KIF21B: variants seen among roughly 807,000 people sequenced by gnomAD.
KIF21B encodes the protein kinesin family member 21B, also known as kinesin-like protein KIF21B.
Under a neutral mutation model 192.9 loss-of-function variants are expected in KIF21B, and 85 were observed. The observed-to-expected ratio is 0.44, with a 90% CI of 0.37 to 0.53. The LOEUF (loss-of-function observed/expected upper bound fraction) is 0.53, where lower values mean the gene tolerates loss of function less well. Among genes scored for constraint, KIF21B ranks in the 20% least tolerant of loss-of-function variants. The pLI is 0.00. For synonymous variants in KIF21B, 832 were observed against 884.6 expected (o/e 0.94, Z 1.05); for missense variants, 1,716 against 2,194.8 (o/e 0.78, Z 4.36).
At chr1:201,016,278 G>T (rs1658497811) in intron 1 of KIF21B, among the ~76,000 whole-genome samples, 1 of 152,206 alleles carries the variant, frequency 6.6e-6, no homozygotes, top group Non-Finnish European at 1.5e-5. Context: ...CTGATCCTAC[G>T]GACAGCTGCC....
chr1:201,010,010 G>C (rs1658139758), intron 1 of KIF21B, among the ~76,000 whole-genome samples: 1 of 152,200 alleles, frequency 6.6e-6, no homozygotes, highest in African/African-American at 2.4e-5. Context: ...GCCAGGGCGG[G>C]GAAGAGAAGG....
At chr1:201,006,891 GAC>G (rs752184962) in intron 3 of KIF21B, among the ~76,000 whole-genome samples, 60 of 136,780 alleles carry the variant, frequency 4.4e-4, no homozygotes, top group Middle Eastern at 4.2e-3. Context: ...GAGACACATA[GAC>G]ACACACACAC....
chr1:201,005,070 T>C, intron 5 of KIF21B, 137 bp from the exon 6 acceptor site: 1 of 1,074,652 alleles, frequency 9.3e-7, no homozygotes, highest in Non-Finnish European at 1.3e-6. Flanking sequence ...CATCTGACAA[T>C]GTGCACAGTA....
chr1:200,986,797 A>T, intron 26 of KIF21B, 47 bp downstream of exon 26: 1 of 1,502,672 alleles, frequency 6.7e-7, no homozygotes. Flanking sequence ...GTAACCAAGA[A>T]CTAGACTGGT....
At chr1:201,005,515 A>C in intron 4 of KIF21B, 30 bp downstream of exon 4, 2 of 1,605,282 alleles carry the variant, frequency 1.2e-6, no homozygotes, top group Non-Finnish European at 1.7e-6. Flanking sequence ...GATGCCCTGG[A>C]CCTGCTCCAG....
intron 26 of KIF21B, among the ~76,000 whole-genome samples, chr1:200,985,718 T>C (rs1462332723): frequency 6.6e-6 from 1 of 151,952 alleles, no homozygotes; most frequent in Non-Finnish European, 1.5e-5. Context: ...CTTTTTTCCT[T>C]TGAATTTCTT....
intron 16 of KIF21B, 74 bp downstream of exon 16, chr1:200,992,208 G>A: frequency 1.4e-6 from 2 of 1,379,340 alleles, no homozygotes. Flanking sequence ...GGTCAGGAGG[G>A]GCAGCCAGGT....
chr1:201,009,560 T>C, intron 1 of KIF21B, 72 bp from the exon 2 acceptor site: 1 of 1,425,122 alleles, frequency 7.0e-7, no homozygotes, highest in Non-Finnish European at 9.6e-7. Flanking sequence ...TCCCTCACAC[T>C]GCCTGCCAAG....
chr1:201,004,974 ACC>A, intron 5 of KIF21B, 41 bp from the exon 6 acceptor site: 14 of 1,575,138 alleles, frequency 8.9e-6, no homozygotes, highest in Non-Finnish European at 1.2e-5. Context: ...GCCCTCGCCC[ACC>A]TCACTGGCTC....
chr1:200,999,755 A>C lies in KIF21B; in HGVS notation c.1767+128T>G. 1 of 988,646 alleles carries C rather than the reference A, an allele frequency of 1.0e-6. No homozygotes were observed. 61.2% of individuals were successfully genotyped at this position (988,646 alleles called of 1,614,324 possible). ...ACCAGTCAGAGATATAAGGAAGTAC[A>C]AGGATCAACTGGATGCAGACCCAAC... On this transcript the variant is annotated intron_variant, in intron 12 of 34. Transcript: ENST00000461742. The surrounding 1 kb of genome is among the most constrained non-coding windows in gnomAD (Gnocchi z 4.7).
intron 1 of KIF21B, among the ~76,000 whole-genome samples, chr1:201,015,991 T>C: frequency 6.6e-6 from 1 of 152,192 alleles, no homozygotes; most frequent in African/African-American, 2.4e-5. Context: ...TACTACCTAG[T>C]ACTTTTTAAG....
chr1:201,002,895 T>C (rs1317681184), intron 8 of KIF21B: 4 of 156,444 alleles, frequency 2.6e-5, no homozygotes, highest in African/African-American at 9.6e-5. Context: ...TTAAAACAAG[T>C]GCAAGCCAAA....
At chr1:200,977,735 A>ATTTT (rs56046486) in intron 30 of KIF21B, among the ~76,000 whole-genome samples, 1 of 141,954 alleles carries the variant, frequency 7.0e-6, no homozygotes, top group Non-Finnish European at 1.5e-5. Context: ...TCTGTTTACT[A>ATTTT]TTTTTTTTTT....
Position 200,973,486 on chromosome 1 carries a change from G to A in KIF21B, c.*35C>T. On this transcript the variant is annotated 3_prime_UTR_variant, in exon 35 of 35. Coordinates refer to ENST00000461742, the MANE Select transcript of KIF21B (RefSeq NM_001252102.2). Reference sequence around the variant, plus strand: ...CTTCCATGGTGTCCAGGCTGCTGGGGTCGAGGGTCCGGGGGCATCCCTCTG... The same window carrying A: ...CTTCCATGGTGTCCAGGCTGCTGGGATCGAGGGTCCGGGGGCATCCCTCTG... 2.1e-6 allele frequency: 3 copies of A among 1,417,606 alleles called. No individual in the cohort carries two copies. Among genetic ancestry groups the A allele is most frequent in the Non-Finnish European group, 2.7e-6 (3 of 1,093,562 alleles). The allele number at this position is 1,417,606 out of a possible 1,614,324, so 87.8% of individuals were successfully genotyped here. A position where few individuals can be genotyped will look rare whatever the true frequency, so the allele number is the denominator to read the frequency against.
chr1:200,976,524 A>C (rs1285174706), intron 32 of KIF21B, among the ~76,000 whole-genome samples: 1 of 152,244 alleles, frequency 6.6e-6, no homozygotes, highest in African/African-American at 2.4e-5. Flanking sequence ...CATCCCATTT[A>C]GTGGATTTTC....
At chr1:201,008,013 T>C (rs1345750802) in intron 3 of KIF21B, among the ~76,000 whole-genome samples, 1 of 152,228 alleles carries the variant, frequency 6.6e-6, no homozygotes, top group African/African-American at 2.4e-5. Flanking sequence ...AGTAGCTGTG[T>C]TGTGGTAGGC....
chr1:201,002,237 C>T lies in KIF21B; in HGVS notation c.1326G>A (p.Gln442=), dbSNP rs1657540130. The change falls in exon 9 of 35, where the codon CAG becomes CAA. Residue 442 remains glutamine, a synonymous_variant. Coordinates refer to ENST00000461742, the MANE Select transcript of KIF21B (RefSeq NM_001252102.2). ...GALRLRVKAM[Q]EAIDAINNRV... is the part of the protein sequence containing the mutation. ...GGTTGTTGATGGCATCGATGGCCTC[C>T]TGCATGGCTTTCACCCGCAGCCGCA... 3 of 1,614,118 alleles carry T rather than the reference C, an allele frequency of 1.9e-6. No individual in the cohort carries two copies. Among genetic ancestry groups the T allele is most frequent in the South Asian group, 2.2e-5 (2 of 91,088 alleles).
chr1:200,991,829 G>T, intron 16 of KIF21B, 104 bp from the exon 17 acceptor site: 2 of 1,182,050 alleles, frequency 1.7e-6, no homozygotes, highest in Non-Finnish European at 2.4e-6. Context: ...GGGCTTCAGG[G>T]TGATTCTCAT....
At chr1:201,019,044 C>A (rs1658667882) in intron 1 of KIF21B, among the ~76,000 whole-genome samples, 1 of 152,180 alleles carries the variant, frequency 6.6e-6, no homozygotes. Flanking sequence ...AAGTGATTCT[C>A]CTGTCTCAGC....
Sources: allele counts gnomAD v4.1 joint callset (sites outside exome capture counted in the v4.1 genomes callset), GRCh38; gene constraint gnomAD v4.1.1; non-coding constraint Gnocchi (gnomAD v3.1); transcripts MANE v1.5; gene names NCBI Gene and HGNC (gene_info 2026-07-23, HGNC 2026-07-21).